ABR: variants seen among roughly 807,000 people sequenced by gnomAD.
ABR encodes ABR activator of RhoGEF and GTPase.
ABR carries 35 observed loss-of-function variants against 107.2 expected under a neutral mutation model. The ratio of observed to expected loss-of-function variants is 0.33; its 90% CI spans 0.25 to 0.43. ABR has a LOEUF of 0.43. Ranked by LOEUF, ABR falls within the 20% of genes least tolerant of loss-of-function variation. The pLI, the probability that ABR is intolerant of heterozygous loss-of-function variation, is 1.00. For missense variants in ABR, 815 were observed against 1,115.2 expected (o/e 0.73, Z 3.83); for synonymous variants, 498 against 462.0 (o/e 1.08, Z -1.00).
intron 2 of ABR, among the ~76,000 whole-genome samples, chr17:1,116,808 C>T (rs2039009417): frequency 6.6e-6 from 1 of 152,194 alleles, no homozygotes; most frequent in South Asian, 2.1e-4. Context: ...GCACCTGGCA[C>T]ACGGGAGGGT....
Position 1,070,210 on chromosome 17 carries a change from T to C in ABR, c.895-120A>G, listed in dbSNP as rs1337922585. On this transcript the variant is annotated intron_variant, in intron 8 of 22. Coordinates refer to ENST00000302538, the MANE Select transcript of ABR (RefSeq NM_021962.5). The surrounding 1 kb of genome is among the most constrained non-coding windows in gnomAD (Gnocchi z 4.2). ...GACCGAGAGGCGGCATAGCCTGTCA[T>C]CCCTTAACCAAAGGTGGTTCAAGCA... The C allele has an allele frequency of 8.1e-6, 11 of 1,358,010 alleles. No homozygotes were observed. Among genetic ancestry groups the C allele is most frequent in the African/African-American group, 2.9e-5 (2 of 69,476 alleles). The allele number at this position is 1,358,010 out of a possible 1,614,324, so 84.1% of individuals were successfully genotyped here. A position where few individuals can be genotyped will look rare whatever the true frequency, so the allele number is the denominator to read the frequency against.
At chr17:1,149,220 T>A (rs1234762029) in intron 1 of ABR, among the ~76,000 whole-genome samples, 1 of 151,624 alleles carries the variant, frequency 6.6e-6, no homozygotes, top group Non-Finnish European at 1.5e-5. Flanking sequence ...TGCCATAATT[T>A]AAAAAAATAG....
chr17:1,030,346 G>A (rs2072627907), intron 16 of ABR, among the ~76,000 whole-genome samples: 1 of 152,220 alleles, frequency 6.6e-6, no homozygotes, highest in South Asian at 2.1e-4. Flanking sequence ...TGCCAACCCT[G>A]ACGTTTGGGG....
In ABR at chr17:1,050,099, T is replaced by C. The variant is rs776309356; in HGVS notation, c.1742A>G (p.Lys581Arg). 15 of 1,614,060 alleles carry C rather than the reference T, an allele frequency of 9.3e-6. No homozygotes were observed. In the Admixed American group the frequency reaches 1.3e-4, roughly 14 times the overall value. ...EKCYDKTKVNKDNNEIVDKIM... is the reference protein window; with the variant it reads ...EKCYDKTKVNRDNNEIVDKIM... ...CTTGTCCACGATCTCATTGTTGTCC[T>C]TGTTGACCTTGGTCTTGTCATAGCA... Residue 581 changes from lysine (K) to arginine (R), a missense_variant, in exon 16 of 23, where the codon AAG (lysine) becomes AGG (arginine). Lys to Arg is a conservative substitution (Grantham distance 26). Coordinates refer to ENST00000302538, the MANE Select transcript of ABR (RefSeq NM_021962.5). This position sits in a 1 kb window ranked among gnomAD's most constrained non-coding sequence, Gnocchi z 4.6.
chr17:1,121,820 G>T (rs961183165), intron 2 of ABR, among the ~76,000 whole-genome samples: 2 of 152,204 alleles, frequency 1.3e-5, no homozygotes, highest in Non-Finnish European at 2.9e-5. Context: ...ACCTTTCAGG[G>T]GAGTTAGAGC....
chr17:1,109,108 C>A, intron 2 of ABR: 1 of 1,583,122 alleles, frequency 6.3e-7, no homozygotes, highest in Non-Finnish European at 8.6e-7. Flanking sequence ...GAAGCGGGGT[C>A]CACGCAGCGG....
At chr17:1,012,576 G>T (rs1038897303) in intron 18 of ABR, 112 bp downstream of exon 18, 1 of 793,332 alleles carries the variant, frequency 1.3e-6, no homozygotes, top group South Asian at 1.5e-5. Context: ...GCCGAGCGGG[G>T]GGTAACTGAT....
chr17:1,031,608 A>G (rs2072770200), intron 16 of ABR: 1 of 1,116,940 alleles, frequency 9.0e-7, no homozygotes, highest in Non-Finnish European at 1.1e-6. Flanking sequence ...CTTGTTTCGG[A>G]GCAGCTTGTT....
rs1264810113 is a variant in ABR at position 1,148,074 on chromosome 17, C to T, written c.62-22707G>A. ...CAGGCTGGTCAATGGGCCCACCCCA[C>T]GGTAAGCTTCAAGGATGGCCTGCTT... On this transcript the variant is annotated intron_variant, in intron 1 of 22. Coordinates refer to ENST00000302538, the MANE Select transcript of ABR (RefSeq NM_021962.5). The surrounding 1 kb of genome is among the most constrained non-coding windows in gnomAD (Gnocchi z 4.9). Among the ~76,000 whole-genome samples the T allele has an allele frequency of 6.6e-6, 1 of 152,184 alleles. No homozygotes were observed. The highest frequency in any genetic ancestry group is 2.1e-4 in the South Asian group (1 of 4,834).
At chr17:1,168,896 C>T (rs2041608120) in intron 1 of ABR, among the ~76,000 whole-genome samples, 2 of 152,238 alleles carry the variant, frequency 1.3e-5, no homozygotes, top group Non-Finnish European at 2.9e-5. Flanking sequence ...CTTGGTGCCC[C>T]AGCTCATCCA....
rs1445371442 is a variant in ABR at position 1,078,905 on chromosome 17, G to A, written c.700+425C>T. On this transcript the variant is annotated intron_variant, in intron 6 of 22. Coordinates refer to ENST00000302538, the MANE Select transcript of ABR (RefSeq NM_021962.5). This position sits in a 1 kb window ranked among gnomAD's most constrained non-coding sequence, Gnocchi z 7.5. ...CGGGAGCGTGCAGCCATCGCTCCAG[G>A]CTCCCCGGCGCCCACCAGCAGCCCG... 1 of 1,533,770 alleles carries A rather than the reference G, an allele frequency of 6.5e-7. No homozygotes were observed. Among genetic ancestry groups the A allele is most frequent in the Non-Finnish European group, 8.7e-7 (1 of 1,145,826 alleles).
chr17:1,185,490 C>CA (rs2042257897), intron 1 of ABR, among the ~76,000 whole-genome samples: 1 of 151,562 alleles, frequency 6.6e-6, no homozygotes, highest in African/African-American at 2.4e-5. Context: ...ACTAAAAATA[C>CA]AAAAATTAGC....
intron 1 of ABR, among the ~76,000 whole-genome samples, chr17:1,160,892 G>T (rs58130551): frequency 0.044 from 6,740 of 152,334 alleles, 191 homozygotes; most frequent in Middle Eastern, 0.078. Context: ...CTCCCAAGGT[G>T]GGACGCCCGT....
At chr17:1,172,490 C>A (rs144645051) in intron 1 of ABR, among the ~76,000 whole-genome samples, 5 of 152,134 alleles carry the variant, frequency 3.3e-5, no homozygotes, top group Non-Finnish European at 7.4e-5. Flanking sequence ...GTGGCTCACA[C>A]CTGTCATCCC....
At chr17:1,228,636 T>G (rs2043268065) in intron 1 of ABR, among the ~76,000 whole-genome samples, 1 of 151,860 alleles carries the variant, frequency 6.6e-6, no homozygotes, top group African/African-American at 2.4e-5. Flanking sequence ...ACAGGTGGCT[T>G]TGGGGTACAC....
Position 1,179,944 on chromosome 17 carries a change from C to T in ABR, c.-217G>A, listed in dbSNP as rs1056296206. ...CCCGAACCCTCCCGGCCCCAGCGGC[C>T]GCGCCGAGCCCAGCTGCGGATCCCG... On this transcript the variant is annotated 5_prime_UTR_variant, in exon 1 of 23. Coordinates refer to ENST00000302538, the MANE Select transcript of ABR (RefSeq NM_021962.5). The surrounding 1 kb of genome is among the most constrained non-coding windows in gnomAD (Gnocchi z 4.9). The T allele has an allele frequency of 6.0e-5, 16 of 266,848 alleles. No homozygotes were observed. The highest frequency in any genetic ancestry group is 9.5e-5 in the Non-Finnish European group (14 of 146,730). The allele number at this position is 266,848 out of a possible 1,614,324, so 16.5% of individuals were successfully genotyped here.
intron 2 of ABR, among the ~76,000 whole-genome samples, chr17:1,116,942 C>T (rs952879345): frequency 4.6e-5 from 7 of 152,288 alleles, no homozygotes; most frequent in East Asian, 1.9e-4. Context: ...AACCCAGGTC[C>T]GGAGCAGTCA....
chr17:1,142,979 A>C (rs1430095846), intron 1 of ABR, among the ~76,000 whole-genome samples: 1 of 150,484 alleles, frequency 6.6e-6, no homozygotes, highest in Non-Finnish European at 1.5e-5. Flanking sequence ...CCTGGGGGAC[A>C]GCTCGCTCCT....
chr17:1,016,568 G>A (rs764065579), intron 16 of ABR, among the ~76,000 whole-genome samples: 6 of 151,828 alleles, frequency 4.0e-5, no homozygotes, highest in Non-Finnish European at 5.9e-5. Flanking sequence ...CACCTGCCTC[G>A]GCCTCCCAAA....
Sources: allele counts gnomAD v4.1 joint callset (sites outside exome capture counted in the v4.1 genomes callset), GRCh38; gene constraint gnomAD v4.1.1; non-coding constraint Gnocchi (gnomAD v3.1); transcripts MANE v1.5; gene names NCBI Gene and HGNC (gene_info 2026-07-23, HGNC 2026-07-21).